RREB1: variants seen among roughly 807,000 people sequenced by gnomAD.
RREB1 encodes ras-responsive element-binding protein 1.
In RREB1, 27 loss-of-function variants were observed where a neutral mutation model predicts 117.8. The ratio of observed to expected loss-of-function variants is 0.23; its 90% confidence interval spans 0.17 to 0.32. The LOEUF is 0.32. Ranked by LOEUF, RREB1 falls within the 10% of genes least tolerant of loss-of-function variation. RREB1 has a pLI of 1.00. For synonymous variants in RREB1, 1,298 were observed against 1,026.7 expected (o/e 1.26, Z -5.05); for missense variants, 2,577 against 2,378.2 (o/e 1.08, Z -1.74).
Position 7,230,460 on chromosome 6 carries a change from C to T in RREB1, c.2361C>T (p.Arg787=). 6.3e-7 allele frequency: 1 copy of T among 1,593,858 alleles called. No homozygotes were observed. Among genetic ancestry groups the T allele is most frequent in the East Asian group, 2.2e-5 (1 of 44,700 alleles). ...GCCTGGGCGGGGGCCACAAGGGCCG[C>T]AAGCCCTTCGAGTGCAAGGAGTGCA... ...GRGLGGGHKG[R]KPFECKECSA... Residue 787 remains arginine (R), a synonymous_variant, in exon 10 of 13, where the codon CGC becomes CGT. Coordinates refer to ENST00000379938, the MANE Select transcript of RREB1 (RefSeq NM_001003699.4).
rs141534505 is a variant in RREB1 at position 7,229,686 on chromosome 6, C to T, written c.1587C>T (p.Asn529=). The T allele has an allele frequency of 1.4e-4, 227 of 1,610,970 alleles. No homozygotes were observed. The highest frequency in any genetic ancestry group is 6.0e-4 in the African/African-American group (45 of 75,052). ...CCTCCACGCCCCCGCCTCTCATCAA[C>T]GCCCAGCAGGCTTCCCCGGGCTGTA... is the stretch of plus-strand genomic sequence containing the variant. ...VATSTPPPLI[N]AQQASPGCIS... Residue 529 remains asparagine (N), a synonymous_variant, in exon 10 of 13, where the codon AAC becomes AAT. Coordinates refer to ENST00000379938, the MANE Select transcript of RREB1 (RefSeq NM_001003699.4). This position sits in a 1 kb window ranked among gnomAD's most constrained non-coding sequence, Gnocchi z 4.5.
At chr6:7,117,690 T>C in intron 1 of RREB1, among the ~76,000 whole-genome samples, 1 of 152,096 alleles carries the variant, frequency 6.6e-6, no homozygotes, top group East Asian at 1.9e-4. Context: ...ATTACAGGCA[T>C]GAGCCACCGC....
At position 7,246,741 on chromosome 6, in the gene RREB1, G is replaced by T. The variant is rs1769072801; in HGVS notation, c.4291G>T (p.Glu1431Ter). 1 of 1,575,112 alleles carries T rather than the reference G, an allele frequency of 6.3e-7. No homozygotes were observed. The highest frequency in any genetic ancestry group is 1.2e-5 in the South Asian group (1 of 86,184). The change falls in exon 12 of 13, where the codon GAG becomes TAG. Residue 1431 changes from glutamate (E) to a stop codon, truncating the protein, a stop_gained. Transcript: ENST00000379938. LOFTEE classifies it high-confidence loss of function. ...CAAGCTCATGGACTTCAAGCTGGCG[G>T]AGGGCGACGGCGAGGCAGGCGCCGG... ...ATKLMDFKLAEGDGEAGAGGA... is the reference protein window; with the variant it reads ...ATKLMDFKLA
At chr6:7,240,172 T>C (rs779854242) in intron 10 of RREB1, among the ~76,000 whole-genome samples, 7 of 152,340 alleles carry the variant, frequency 4.6e-5, no homozygotes, top group South Asian at 4.1e-4. Flanking sequence ...AATACCGTTG[T>C]TTTACTTTAA....
intron 1 of RREB1, among the ~76,000 whole-genome samples, chr6:7,143,254 G>A (rs1282774963): frequency 6.6e-6 from 1 of 152,224 alleles, no homozygotes; most frequent in Non-Finnish European, 1.5e-5. Flanking sequence ...TGTAAATGCG[G>A]CTCATTAATT....
intron 10 of RREB1, among the ~76,000 whole-genome samples, chr6:7,237,314 C>T (rs554629965): frequency 2.6e-5 from 4 of 152,072 alleles, no homozygotes; most frequent in Non-Finnish European, 5.9e-5. Flanking sequence ...CTTGAACTCC[C>T]GATCTCAGGT....
At chr6:7,214,783 C>T (rs1766808558) in intron 8 of RREB1, 1 of 152,294 alleles carries the variant, frequency 6.6e-6, no homozygotes, top group Admixed American at 6.5e-5. Flanking sequence ...CTGTTGCCTT[C>T]TCACTCTCCT....
intron 1 of RREB1, among the ~76,000 whole-genome samples, chr6:7,175,532 A>G (rs1486734976): frequency 6.6e-6 from 1 of 152,182 alleles, no homozygotes; most frequent in East Asian, 1.9e-4. Flanking sequence ...GTGAGAAAAT[A>G]TGCCAAGCAG....
At chr6:7,213,809 G>A (rs970150365) in intron 8 of RREB1, 5 of 152,210 alleles carry the variant, frequency 3.3e-5, no homozygotes, top group Non-Finnish European at 4.4e-5. Context: ...CTCTGAGCCC[G>A]TCTGTATACT....
Position 7,246,645 on chromosome 6 carries a change from A to T in RREB1, c.4195A>T (p.Ser1399Cys), listed in dbSNP as rs753055335. 1.3e-6 allele frequency: 2 copies of T among 1,574,384 alleles called. No homozygotes were observed. Among genetic ancestry groups the T allele is most frequent in the Non-Finnish European group, 1.7e-6 (2 of 1,160,242 alleles). ...GGAGGAGGAGCATGGCACTGAGGAG[A>T]GCACTGGGGACGCCGACGGCGCGGA... ...EPEEEHGTEE[S>C]TGDADGAEED... is the part of the protein sequence containing the mutation. Residue 1399 changes from serine to cysteine, a missense_variant, in exon 12 of 13, where the codon AGC becomes TGC. Transcript: ENST00000379938.
chr6:7,150,770 C>T (rs561640751), intron 1 of RREB1, among the ~76,000 whole-genome samples: 3 of 152,258 alleles, frequency 2.0e-5, no homozygotes, highest in Admixed American at 2.0e-4. Flanking sequence ...AGAGATGTGG[C>T]CGAGGGTGGA....
intron 1 of RREB1, among the ~76,000 whole-genome samples, chr6:7,168,433 A>G (rs1417691360): frequency 6.6e-6 from 1 of 152,186 alleles, no homozygotes; most frequent in Admixed American, 6.5e-5. Context: ...GAGTCTTCTA[A>G]CCTGGTCTCC....
chr6:7,202,883 A>G (rs1766064007), intron 6 of RREB1, among the ~76,000 whole-genome samples: 1 of 152,212 alleles, frequency 6.6e-6, no homozygotes, highest in Non-Finnish European at 1.5e-5. Flanking sequence ...AGGAACATCA[A>G]TTCATCCAAC....
At position 7,240,571 on chromosome 6, in the gene RREB1, A is replaced by G. The variant is rs1768643862; in HGVS notation, c.3942A>G (p.Lys1314=). Reference sequence around the variant, plus strand: ...GAAACGGGCTTATCCCCCAGTCAAAAGAGAGTGATGTTGGATCCCATGATA... The same window carrying G: ...GAAACGGGCTTATCCCCCAGTCAAAGGAGAGTGATGTTGGATCCCATGATA... ...LRRNGLIPQS[K]ESDVGSHDST... The change falls in exon 11 of 13, where the codon AAA becomes AAG. Residue 1314 remains lysine (K), a synonymous_variant. Transcript: ENST00000379938. 1 of 1,613,768 alleles carries G rather than the reference A, an allele frequency of 6.2e-7. No homozygotes were observed. Among genetic ancestry groups the G allele is most frequent in the Non-Finnish European group, 8.5e-7 (1 of 1,179,930 alleles).
intron 1 of RREB1, among the ~76,000 whole-genome samples, chr6:7,114,468 T>TA (rs796144422): frequency 7.7e-6 from 1 of 130,704 alleles, no homozygotes; most frequent in Non-Finnish European, 1.6e-5. Flanking sequence ...GTGTTTCTGG[T>TA]GGGGGGGGGG....
intron 6 of RREB1, among the ~76,000 whole-genome samples, chr6:7,210,078 G>A (rs1766499719): frequency 6.6e-6 from 1 of 152,172 alleles, no homozygotes; most frequent in Non-Finnish European, 1.5e-5. Flanking sequence ...ATAAAGTAAG[G>A]TCACTTAAGT....
At position 7,249,104 on chromosome 6, in the gene RREB1, A is replaced by C; in HGVS notation, c.*136A>C. ...GAGAGAGAGAGAGAGAGAGAGAGAG[A>C]CAAGCAGGAGCGTGGCTGCTCGCTC... On this transcript the variant is annotated 3_prime_UTR_variant, in exon 13 of 13. Transcript: ENST00000379938. 5.7e-6 allele frequency: 4 copies of C among 698,618 alleles called. No homozygotes were observed. The highest frequency in any genetic ancestry group is 2.2e-5 in the South Asian group (1 of 45,960). The allele number at this position is 698,618 out of a possible 1,614,324, so 43.3% of individuals were successfully genotyped here.
rs774093745 is a variant in RREB1, at chr6:7,230,799, G to T, written c.2700G>T (p.Leu900=). Residue 900 remains leucine (L), a synonymous_variant, in exon 10 of 13, where the codon CTG becomes CTT. Coordinates refer to ENST00000379938, the MANE Select transcript of RREB1 (RefSeq NM_001003699.4). ...TTGCGGTGGACTTCAATGAGCCCCT[G>T]GACTTCTCGCAGAAGGGCCTGGCCC... ...SSFAVDFNEP[L]DFSQKGLALV... The T allele has an allele frequency of 2.5e-6, 4 of 1,614,110 alleles. No homozygotes were observed. The highest frequency in any genetic ancestry group is 3.4e-6 in the Non-Finnish European group (4 of 1,180,002).
chr6:7,231,627 G>C lies in RREB1; in HGVS notation c.3528G>C (p.Gly1176=), dbSNP rs575598698. The C allele has an allele frequency of 5.6e-6, 9 of 1,611,754 alleles. No homozygotes were observed. The South Asian group carries it at 9.9e-5, about 18-fold the overall frequency. ...GCGGGGTGGACCTGGACTCCAGCGGGGAGTTTGCCAGCATCGAGAAGATGC... is the reference window on the plus strand; with the variant it reads ...GCGGGGTGGACCTGGACTCCAGCGGCGAGTTTGCCAGCATCGAGAAGATGC... ...NSGGVDLDSS[G]EFASIEKMLA... is the part of the protein sequence containing the mutation. The change falls in exon 10 of 13, where the codon GGG becomes GGC. Residue 1176 remains glycine, a synonymous_variant. Coordinates refer to ENST00000379938, the MANE Select transcript of RREB1 (RefSeq NM_001003699.4).
Sources: allele counts gnomAD v4.1 joint callset (sites outside exome capture counted in the v4.1 genomes callset), GRCh38; gene constraint gnomAD v4.1.1; non-coding constraint Gnocchi (gnomAD v3.1); transcripts MANE v1.5; gene names NCBI Gene and HGNC (gene_info 2026-07-23, HGNC 2026-07-21).